Variants in TTC23 observed in about 807,000 individuals in gnomAD.
The protein encoded by TTC23 is tetratricopeptide repeat protein 23.
A neutral mutation model predicts 55.1 loss-of-function variants in TTC23; 58 were observed. That is an observed-to-expected ratio of 1.05 (90% CI 0.85 to 1.31). The LOEUF (loss-of-function observed/expected upper bound fraction) is 1.31. Among genes scored for constraint, TTC23 ranks in the 50% most tolerant of loss-of-function variants. The probability of loss-of-function intolerance (pLI) is 0.00; values close to 1 mark genes in which losing one functional copy is unlikely to be tolerated. For synonymous variants in TTC23, 203 were observed against 199.9 expected (o/e 1.02, Z -0.13); for missense variants, 516 against 534.4 (o/e 0.97, Z 0.34).
At chr15:99,245,949 G>GCTGGGATTACAGGTGC (rs1431895816) in intron 1 of TTC23, among the ~76,000 whole-genome samples, 2 of 151,498 alleles carry the variant, frequency 1.3e-5, no homozygotes, top group Non-Finnish European at 2.9e-5. Context: ...CTCCCAAGCA[G>GCTGGGATTACAGGTGC]CTGGGATTAC....
Position 99,138,147 on chromosome 15 carries a change from G to C in TTC23, c.1227-20C>G, listed in dbSNP as rs1555488159. The C allele has an allele frequency of 1.9e-6, 3 of 1,611,274 alleles. No homozygotes were observed. In the South Asian group the frequency reaches 3.3e-5, roughly 18 times the overall value. On this transcript the variant is annotated intron_variant, in intron 13 of 13. Transcript: ENST00000394132. ...GGGGCCCTGCAGACAAGCAGAGGGT[G>C]GGGTGAGTGTGGTGCCCCTCAGCCC...
At chr15:99,190,350 G>A (rs1382055609) in intron 9 of TTC23, among the ~76,000 whole-genome samples, 1 of 148,202 alleles carries the variant, frequency 6.7e-6, no homozygotes, top group Non-Finnish European at 1.5e-5. Flanking sequence ...TTGGCTCACT[G>A]CAACCTCCAC....
chr15:99,231,803 T>TTGTTTTG (rs2152074959), intron 4 of TTC23, among the ~76,000 whole-genome samples: 1 of 151,720 alleles, frequency 6.6e-6, no homozygotes, highest in East Asian at 1.9e-4. Flanking sequence ...GTTTGTTTGT[T>TTGTTTTG]TGTTTTGAGA....
At chr15:99,222,629 G>T (rs183117202) in intron 5 of TTC23, among the ~76,000 whole-genome samples, 1 of 152,330 alleles carries the variant, frequency 6.6e-6, no homozygotes, top group East Asian at 1.9e-4. Context: ...AGGACAAAAA[G>T]AACAGAAAAC....
rs529775374 is a variant in TTC23, at chr15:99,231,280, T to C, written c.-20-2548A>G. Reference sequence around the variant, plus strand: ...TTTTAGAGGGTACTCCTTCTACTTATACATTTCTAAAAGTTAACTGTAGAA... The same window carrying C: ...TTTTAGAGGGTACTCCTTCTACTTACACATTTCTAAAAGTTAACTGTAGAA... On this transcript the variant is annotated intron_variant, in intron 4 of 13. Transcript: ENST00000394132. Among the ~76,000 whole-genome samples the C allele has an allele frequency of 5.2e-5, 8 of 152,382 alleles. No homozygotes were observed. In the South Asian group the frequency reaches 1.4e-3, roughly 28 times the overall value.
chr15:99,240,847 G>A (rs1018087088), intron 3 of TTC23, among the ~76,000 whole-genome samples: 4 of 152,100 alleles, frequency 2.6e-5, no homozygotes, highest in African/African-American at 9.7e-5. Flanking sequence ...CAATTGTAAC[G>A]TTCACTCTAA....
intron 12 of TTC23, among the ~76,000 whole-genome samples, chr15:99,146,997 C>T (rs1036663599): frequency 2.6e-5 from 4 of 151,780 alleles, no homozygotes; most frequent in Admixed American, 6.5e-5. Context: ...TCACTGCAAC[C>T]TCTGCCTCCC....
At chr15:99,159,217 T>C (rs2071029719) in intron 11 of TTC23, 1 of 152,242 alleles carries the variant, frequency 6.6e-6, no homozygotes, top group Non-Finnish European at 1.5e-5. Flanking sequence ...CAAGACACTA[T>C]GGTGGGAAGC....
chr15:99,248,752 A>G (rs896667640), intron 1 of TTC23, among the ~76,000 whole-genome samples: 25 of 152,346 alleles, frequency 1.6e-4, no homozygotes, highest in African/African-American at 6.0e-4. Context: ...AGGCAACTTA[A>G]GAAATAGTCA....
At chr15:99,201,866 A>G (rs2076228141) in intron 8 of TTC23, among the ~76,000 whole-genome samples, 1 of 152,150 alleles carries the variant, frequency 6.6e-6, no homozygotes, top group South Asian at 2.1e-4. Context: ...ACCCATTAGA[A>G]CCTTTGGTGA....
At chr15:99,168,054 C>T (rs75280345) in intron 10 of TTC23, among the ~76,000 whole-genome samples, 2,731 of 152,296 alleles carry the variant, frequency 0.018, 85 homozygotes, top group African/African-American at 0.062. Flanking sequence ...ACATAAAGCC[C>T]GGAAGAGACT....
intron 12 of TTC23, among the ~76,000 whole-genome samples, chr15:99,151,541 G>A (rs145908288): frequency 5.9e-5 from 9 of 152,386 alleles, no homozygotes; most frequent in Non-Finnish European, 8.8e-5. Flanking sequence ...CTCCTGGCAT[G>A]AGAGTCTAGC....
At chr15:99,144,486 G>T (rs565389306) in intron 12 of TTC23, 1 of 152,338 alleles carries the variant, frequency 6.6e-6, no homozygotes, top group East Asian at 1.9e-4. Flanking sequence ...GAAGTAGATT[G>T]GTGGTGTCTC....
At chr15:99,156,673 AC>A (rs1193727666) in intron 11 of TTC23, among the ~76,000 whole-genome samples, 1 of 152,144 alleles carries the variant, frequency 6.6e-6, no homozygotes, top group Non-Finnish European at 1.5e-5. Context: ...GGGTAACCGC[AC>A]CCATGGTTCA....
At chr15:99,249,808 G>A (rs1344823612), upstream of TTC23, 1 of 152,102 alleles carries the variant, frequency 6.6e-6, no homozygotes, top group Non-Finnish European at 1.5e-5. Flanking sequence ...CCCTTTAAGA[G>A]AGACAAAACG....
At chr15:99,214,507 CAA>C (rs532096253) in intron 8 of TTC23, among the ~76,000 whole-genome samples, 7 of 99,008 alleles carry the variant, frequency 7.1e-5, no homozygotes, top group Admixed American at 4.7e-4. Flanking sequence ...GACTGCATCT[CAA>C]AAAAAAAAAA....
intron 9 of TTC23, among the ~76,000 whole-genome samples, chr15:99,184,130 C>T (rs1415417761): frequency 3.3e-5 from 5 of 152,182 alleles, no homozygotes; most frequent in Non-Finnish European, 5.9e-5. Context: ...ATGGAAATGC[C>T]TGGGTGTCCA....
At chr15:99,218,106 C>T (rs572210596) in intron 8 of TTC23, among the ~76,000 whole-genome samples, 9 of 152,344 alleles carry the variant, frequency 5.9e-5, no homozygotes, top group Admixed American at 4.6e-4. Context: ...ACCTTCTCTT[C>T]GTGTCTCTTC....
At chr15:99,214,236 G>A (rs1029588331) in intron 8 of TTC23, among the ~76,000 whole-genome samples, 5 of 151,818 alleles carry the variant, frequency 3.3e-5, no homozygotes, top group African/African-American at 1.2e-4. Context: ...GGCCGGGTGC[G>A]GTGGCTCACG....
Sources: gnomAD v4.1 joint callset for allele counts (sites outside exome capture counted in the v4.1 genomes callset) on GRCh38, gnomAD v4.1.1 for gene constraint, MANE v1.5 for transcripts, NCBI Gene and HGNC (gene_info 2026-07-23, HGNC 2026-07-21) for gene names.